The following DCAKD variants were observed in gnomAD, a reference collection of about 807,000 sequenced individuals.
DCAKD encodes dephospho-CoA kinase domain-containing protein.
In DCAKD, 15 loss-of-function variants were observed where a neutral mutation model predicts 18.7. The ratio of observed to expected loss-of-function variants is 0.80; its 90% CI spans 0.54 to 1.24. The LOEUF is 1.24. DCAKD is among the 50% of genes most tolerant of loss of function. The probability of loss-of-function intolerance (pLI) is 0.00; values close to 1 mark genes in which losing one functional copy is unlikely to be tolerated. For synonymous variants in DCAKD, 130 were observed against 133.0 expected, an observed-to-expected ratio of 0.98 and a Z score of 0.16; for missense variants, 301 against 322.0, an observed-to-expected ratio of 0.93 and a Z score of 0.50.
chr17:45,024,508 A>G lies in DCAKD; in HGVS notation c.621T>C (p.Phe207=), dbSNP rs1851448050. The change falls in exon 5 of 5, where the codon TTT becomes TTC. Residue 207 remains phenylalanine, a synonymous_variant. Coordinates refer to ENST00000651974, the MANE Select transcript of DCAKD (RefSeq NM_001288655.2). The stretch of plus-strand genomic sequence containing the variant: ...TGGCAGCGAGCCCTGTGAGGACCCC[A>G]AACCTCAGCGGCAGGTACTCCAGGG... The part of the protein sequence containing the change: ...ERSLEYLPLR[F]GVLTGLAAIA... 6.2e-7 allele frequency: 1 copy of G among 1,614,148 alleles called. No individual in the cohort carries two copies.
intron 1 of DCAKD, among the ~76,000 whole-genome samples, chr17:45,060,081 G>T (rs1284480679): frequency 1.3e-5 from 2 of 152,178 alleles, no homozygotes; most frequent in Non-Finnish European, 2.9e-5. Context: ...TCCAGCCTGG[G>T]AGTCAGAGAG....
upstream of DCAKD, among the ~76,000 whole-genome samples, chr17:45,055,840 C>G (rs1221816905): frequency 6.6e-6 from 1 of 152,110 alleles, no homozygotes. Context: ...TATCTCATGG[C>G]TTCGTAGGTC....
At chr17:45,028,396 C>T (rs557057112) in intron 4 of DCAKD, among the ~76,000 whole-genome samples, 2 of 150,996 alleles carry the variant, frequency 1.3e-5, no homozygotes, top group Non-Finnish European at 3.0e-5. Flanking sequence ...AGGTATGAGC[C>T]ACCACACCCG....
At chr17:45,052,569 T>C (rs545581073), upstream of DCAKD, among the ~76,000 whole-genome samples, 137 of 152,154 alleles carry the variant, frequency 9.0e-4, no homozygotes, top group African/African-American at 3.1e-3. Flanking sequence ...TGCAGCGTTG[T>C]TGAAAGAATA....
At chr17:45,052,127 G>A (rs1478790985), upstream of DCAKD, among the ~76,000 whole-genome samples, 3 of 151,744 alleles carry the variant, frequency 2.0e-5, no homozygotes, top group East Asian at 3.9e-4. Context: ...GAGGCCGGCG[G>A]GGAGAGCTCG....
chr17:45,043,286 C>T (rs1490466878), intron 1 of DCAKD, among the ~76,000 whole-genome samples: 1 of 151,800 alleles, frequency 6.6e-6, no homozygotes, highest in Non-Finnish European at 1.5e-5. Flanking sequence ...GTAATGACTA[C>T]TCATGGGGTC....
intron 1 of DCAKD, among the ~76,000 whole-genome samples, chr17:45,048,988 G>A (rs1047357617): frequency 4.0e-5 from 6 of 149,148 alleles, no homozygotes; most frequent in African/African-American, 7.5e-5. Context: ...AAGCTAAGGT[G>A]GGAGTATTGC....
intron 1 of DCAKD, among the ~76,000 whole-genome samples, chr17:45,060,622 AAG>A (rs2053839809): frequency 1.3e-5 from 2 of 152,260 alleles, no homozygotes; most frequent in East Asian, 3.8e-4. Context: ...TGGCGAAGAT[AAG>A]TACCTGGAGG....
intron 1 of DCAKD, among the ~76,000 whole-genome samples, chr17:45,044,319 C>T (rs1351907451): frequency 1.3e-5 from 2 of 152,258 alleles, no homozygotes; most frequent in Admixed American, 6.5e-5. Context: ...TCTGCCCAAT[C>T]GTCCCCCCAT....
Position 45,035,958 on chromosome 17 carries a change from T to C in DCAKD, c.-114-959A>G, listed in dbSNP as rs374756214. On this transcript the variant is annotated intron_variant, in intron 1 of 4. Transcript: ENST00000651974. The stretch of plus-strand genomic sequence containing the variant: ...CCGCAAGCAGTGGCTCGGCAGCCAC[T>C]AAGGCCGAGGTTTAGAAAAGTACCA... Among the ~76,000 whole-genome samples the C allele has an allele frequency of 2.6e-5, 4 of 152,206 alleles. No individual in the cohort carries two copies. In the East Asian group the frequency reaches 7.7e-4, roughly 29 times the overall value.
chr17:45,032,937 G>A (rs941211516), intron 3 of DCAKD, among the ~76,000 whole-genome samples: 2 of 152,176 alleles, frequency 1.3e-5, no homozygotes, highest in African/African-American at 4.8e-5. Flanking sequence ...GCAGCCCTAG[G>A]CCAGCCTCTT....
chr17:45,028,646 G>A (rs530196207), intron 4 of DCAKD, among the ~76,000 whole-genome samples: 71 of 149,930 alleles, frequency 4.7e-4, no homozygotes, highest in Admixed American at 3.3e-3. Flanking sequence ...CTGACCTCAG[G>A]TGATCCACCT....
At chr17:45,047,252 T>C (rs907331283) in intron 1 of DCAKD, among the ~76,000 whole-genome samples, 1 of 151,522 alleles carries the variant, frequency 6.6e-6, no homozygotes, top group Admixed American at 6.6e-5. Flanking sequence ...CAAATAAACA[T>C]GGATAGATAC....
chr17:45,053,169 T>TTAA (rs1165598853), upstream of DCAKD, among the ~76,000 whole-genome samples: 3 of 75,746 alleles, frequency 4.0e-5, no homozygotes, highest in African/African-American at 2.0e-4. Context: ...TGTCTCCAGT[T>TTAA]AAAAAAAAAA....
At position 45,024,364 on chromosome 17, in the gene DCAKD, ATG is replaced by A; in HGVS notation, c.*67_*68del. 2.8e-6 allele frequency: 4 copies of A among 1,441,996 alleles called. No individual in the cohort carries two copies. Among genetic ancestry groups the A allele is most frequent in the Middle Eastern group, 2.2e-4 (1 of 4,640 alleles). The allele number at this position is 1,441,996 out of a possible 1,614,324, so 89.3% of individuals were successfully genotyped here. ...GGGGAGGGGGCTGAGAGGAAACAGG[ATG>A]TGTTACCTGGCTTCAGCCTCCAAGG... On this transcript the variant is annotated 3_prime_UTR_variant, in exon 5 of 5. Transcript: ENST00000651974.
At chr17:45,044,693 A>C (rs60436856) in intron 1 of DCAKD, among the ~76,000 whole-genome samples, 2,451 of 10,040 alleles carry the variant, frequency 0.24, 63 homozygotes, top group African/African-American at 0.45. Flanking sequence ...CTCCATCAAT[A>C]AATAAATAAA....
At chr17:45,061,103 G>A, upstream of DCAKD, 2 of 1,323,070 alleles carry the variant, frequency 1.5e-6, no homozygotes, top group Non-Finnish European at 1.9e-6. Flanking sequence ...TCAAAGCGTG[G>A]CCGAATGCCT....
chr17:45,031,877 G>A, intron 3 of DCAKD: 1 of 985,422 alleles, frequency 1.0e-6, no homozygotes, highest in Non-Finnish European at 1.2e-6. Context: ...AACTTTGACA[G>A]TTGTATTTGT....
intron 4 of DCAKD, 84 bp from the exon 5 acceptor site, chr17:45,024,808 C>A: frequency 5.5e-6 from 8 of 1,466,204 alleles, no homozygotes; most frequent in Non-Finnish European, 3.6e-6. Context: ...CCAGGCCCAG[C>A]CTGAAACAGA....
Sources: allele counts gnomAD v4.1 joint callset (sites outside exome capture counted in the v4.1 genomes callset), GRCh38; gene constraint gnomAD v4.1.1; transcripts MANE v1.5; gene names NCBI Gene and HGNC (gene_info 2026-07-23, HGNC 2026-07-21).